EML1: variants seen among roughly 807,000 people sequenced by gnomAD.
EML1 encodes EMAP like 1.
In EML1, 27 loss-of-function variants were observed where a neutral mutation model predicts 110.4. The ratio of observed to expected loss-of-function variants is 0.24; its 90% CI spans 0.18 to 0.34. The LOEUF (loss-of-function observed/expected upper bound fraction) is 0.34, where lower values mean the gene tolerates loss of function less well. EML1 is among the 10% of genes least tolerant of loss of function. The pLI is 1.00. For missense variants in EML1, 741 were observed against 1,030.9 expected, an observed-to-expected ratio of 0.72 and a Z score of 3.85; for synonymous variants, 344 against 385.8, an observed-to-expected ratio of 0.89 and a Z score of 1.27.
chr14:99,854,840 G>A (rs1435362429), intron 2 of EML1, among the ~76,000 whole-genome samples: 1 of 152,130 alleles, frequency 6.6e-6, no homozygotes, highest in East Asian at 1.9e-4. Flanking sequence ...TTGCTAATAC[G>A]GAAGTGTTTC....
rs1267462516 is a variant in EML1 at position 99,910,485 on chromosome 14, G to A, written c.1339+144G>A. 8.1e-6 allele frequency: 5 copies of A among 614,826 alleles called. No homozygotes were observed. The African/African-American group carries it at 9.4e-5, about 12-fold the overall frequency. 38.1% of individuals were successfully genotyped at this position (614,826 alleles called of 1,614,324 possible). On this transcript the variant is annotated intron_variant, in intron 12 of 21. Coordinates refer to ENST00000262233, the MANE Select transcript of EML1 (RefSeq NM_004434.3). ...TACAGAGACACACACATACATGTGT[G>A]CATGTGTAACTTGAAACCACAAAAC... is the stretch of plus-strand genomic sequence containing the variant.
At chr14:99,892,060 C>T in intron 5 of EML1, 2 of 848,368 alleles carry the variant, frequency 2.4e-6, no homozygotes, top group Non-Finnish European at 2.8e-6. Context: ...AGGTGTTGGC[C>T]TGCGGGCTAG....
chr14:99,812,740 C>T (rs2058103171), intron 1 of EML1, among the ~76,000 whole-genome samples: 1 of 152,170 alleles, frequency 6.6e-6, no homozygotes, highest in South Asian at 2.1e-4. Flanking sequence ...ATAATAAACA[C>T]CTTTGAATAG....
intron 1 of EML1, among the ~76,000 whole-genome samples, chr14:99,843,263 AT>A (rs1756994815): frequency 6.6e-6 from 1 of 152,226 alleles, no homozygotes; most frequent in African/African-American, 2.4e-5. Context: ...AAGAAAAAAA[AT>A]AAATGCATGA....
rs117530389 is a variant in EML1 at position 99,808,216 on chromosome 14, C to T, written c.67+14673C>T. On this transcript the variant is annotated intron_variant, in intron 1 of 21. Transcript: ENST00000262233. The stretch of plus-strand genomic sequence containing the variant: ...CTAGTGAGTTCCTTGAGGGCAGGGG[C>T]GCTGTGTTGTCTTTTTCTTTCGTTT... Among the ~76,000 whole-genome samples, 12 of 152,304 alleles carry T rather than the reference C, an allele frequency of 7.9e-5. No homozygotes were observed. The South Asian group carries it at 1.0e-3, about 13-fold the overall frequency.
intron 2 of EML1, among the ~76,000 whole-genome samples, chr14:99,863,084 A>G (rs528540134): frequency 5.8e-4 from 88 of 152,284 alleles, no homozygotes; most frequent in Non-Finnish European, 1.1e-3. Flanking sequence ...TCCAACAGTG[A>G]GAGACCTGCC....
intron 17 of EML1, among the ~76,000 whole-genome samples, chr14:99,929,626 A>T (rs898137350): frequency 4.6e-5 from 7 of 152,224 alleles, no homozygotes; most frequent in African/African-American, 1.7e-4. Context: ...CTGGTTACAC[A>T]AGATTTTTCC....
intron 1 of EML1, among the ~76,000 whole-genome samples, chr14:99,747,643 G>T (rs1306045570): frequency 6.6e-6 from 1 of 152,194 alleles, no homozygotes; most frequent in African/African-American, 2.4e-5. Flanking sequence ...GCTGGGCTGC[G>T]CCTTAGGAAT....
chr14:99,920,842 G>A lies in EML1; in HGVS notation c.1874G>A (p.Gly625Glu). 1 of 1,613,928 alleles carries A rather than the reference G, an allele frequency of 6.2e-7. No homozygotes were observed. Residue 625 changes from glycine to glutamate, a missense_variant, in exon 17 of 22, where the codon GGA (glycine) becomes GAA (glutamate). Physicochemically the swap from Gly to Glu is moderately conservative, Grantham distance 98 (BLOSUM62 -2). Transcript: ENST00000262233. ...TKDLVTVHTD[G>E]NEQLSVMRYS... ...GACTTGGTCACCGTTCACACAGATG[G>A]AAACGAACAGCTCTCTGTAATGCGA...
chr14:99,863,148 G>GTGGT (rs1215979398), intron 2 of EML1, among the ~76,000 whole-genome samples: 2 of 152,176 alleles, frequency 1.3e-5, no homozygotes, highest in Non-Finnish European at 2.9e-5. Context: ...TTCCTGTGTA[G>GTGGT]TGGTTTCAGA....
intron 8 of EML1, among the ~76,000 whole-genome samples, chr14:99,898,939 T>G (rs555813162): frequency 9.2e-5 from 14 of 152,212 alleles, no homozygotes; most frequent in Non-Finnish European, 7.3e-5. Context: ...AATAATAATT[T>G]GAATGTACAA....
At chr14:99,797,402 A>C (rs750008027) in intron 1 of EML1, among the ~76,000 whole-genome samples, 1 of 152,134 alleles carries the variant, frequency 6.6e-6, no homozygotes, top group Non-Finnish European at 1.5e-5. Context: ...TAATGCTACT[A>C]TGGGCACTCA....
intron 1 of EML1, among the ~76,000 whole-genome samples, chr14:99,796,378 G>T (rs1336371745): frequency 6.6e-6 from 1 of 152,110 alleles, no homozygotes; most frequent in African/African-American, 2.4e-5. Flanking sequence ...CTAGCCTCCT[G>T]AAAAGGCTCA....
chr14:99,935,554 C>T (rs1214845082), intron 17 of EML1, among the ~76,000 whole-genome samples: 5 of 152,050 alleles, frequency 3.3e-5, no homozygotes, highest in East Asian at 1.9e-4. Flanking sequence ...GAGGCCGAGG[C>T]GGGCGGATCA....
chr14:99,744,019 C>T (rs143218269), intron 1 of EML1, among the ~76,000 whole-genome samples: 182 of 152,120 alleles, frequency 1.2e-3, no homozygotes, highest in African/African-American at 4.2e-3. Flanking sequence ...AATATAGAAA[C>T]CAGTTGCTGA....
At chr14:99,740,205 G>A (rs2057026395) in intron 1 of EML1, among the ~76,000 whole-genome samples, 1 of 152,190 alleles carries the variant, frequency 6.6e-6, no homozygotes, top group Non-Finnish European at 1.5e-5. Flanking sequence ...GCTCCACCGT[G>A]TAACTAAGAA....
At chr14:99,744,925 A>G (rs764813385) in intron 1 of EML1, among the ~76,000 whole-genome samples, 11 of 152,202 alleles carry the variant, frequency 7.2e-5, no homozygotes, top group Non-Finnish European at 1.6e-4. Flanking sequence ...AGGAGTTTAG[A>G]AGGAAATGAT....
chr14:99,834,901 C>T (rs2139785180), intron 1 of EML1, among the ~76,000 whole-genome samples: 1 of 152,206 alleles, frequency 6.6e-6, no homozygotes, highest in Middle Eastern at 3.4e-3. Flanking sequence ...CTCACTGCAA[C>T]CTCTATCTCC....
Position 99,940,163 on chromosome 14 carries a change from G to A in EML1, c.*51G>A, listed in dbSNP as rs758418746. On this transcript the variant is annotated 3_prime_UTR_variant, in exon 22 of 22. Transcript: ENST00000262233. ...GCATGGGCAAGGAAGACACAGACTC[G>A]CATTACCCTTGGTCACTGTGATTTC... is the stretch of plus-strand genomic sequence containing the variant. 10 of 1,432,880 alleles carry A rather than the reference G, an allele frequency of 7.0e-6. No individual in the cohort carries two copies. In the South Asian group the frequency reaches 7.7e-5, roughly 11 times the overall value. 88.8% of individuals were successfully genotyped at this position (1,432,880 alleles called of 1,614,324 possible).
Sources: gnomAD v4.1 joint callset for allele counts (sites outside exome capture counted in the v4.1 genomes callset) on GRCh38, gnomAD v4.1.1 for gene constraint, MANE v1.5 for transcripts, NCBI Gene and HGNC (gene_info 2026-07-23, HGNC 2026-07-21) for gene names.